STK17A: variants seen among roughly 807,000 people sequenced by gnomAD.
STK17A encodes serine/threonine kinase 17a, also known as serine/threonine-protein kinase 17A.
Under a neutral mutation model 43.7 loss-of-function variants are expected in STK17A, and 26 were observed. The observed-to-expected ratio is 0.60, with a 90% CI of 0.44 to 0.83. The LOEUF (loss-of-function observed/expected upper bound fraction) is 0.83, where lower values mean the gene tolerates loss of function less well. STK17A is among the 40% of genes least tolerant of loss of function. The pLI, the probability that STK17A is intolerant of heterozygous loss-of-function variation, is 0.00. For missense variants in STK17A, 476 were observed against 511.6 expected, an observed-to-expected ratio of 0.93 and a Z score of 0.67; for synonymous variants, 191 against 182.5, an observed-to-expected ratio of 1.05 and a Z score of -0.38.
chr7:43,620,990 G>C (rs2083830209), intron 4 of STK17A, among the ~76,000 whole-genome samples: 1 of 152,170 alleles, frequency 6.6e-6, no homozygotes, highest in Admixed American at 6.5e-5. Context: ...AAGAGAGCAG[G>C]GTCTCCTTTC....
chr7:43,611,390 A>G (rs1237260129), intron 3 of STK17A, among the ~76,000 whole-genome samples: 1 of 152,200 alleles, frequency 6.6e-6, no homozygotes, highest in Non-Finnish European at 1.5e-5. Context: ...CATGGCTAAA[A>G]TGGACACTCA....
intron 3 of STK17A, among the ~76,000 whole-genome samples, chr7:43,611,454 AT>A (rs1465316037): frequency 6.6e-6 from 1 of 152,206 alleles, no homozygotes; most frequent in Non-Finnish European, 1.5e-5. Context: ...AAGTATGGAC[AT>A]GTGCACACCC....
intron 2 of STK17A, among the ~76,000 whole-genome samples, chr7:43,599,746 C>G (rs1206444925): frequency 2.0e-5 from 3 of 152,130 alleles, no homozygotes; most frequent in South Asian, 2.1e-4. Flanking sequence ...GCTGGACACC[C>G]TGGGATGCTG....
intron 1 of STK17A, among the ~76,000 whole-genome samples, chr7:43,587,869 C>T (rs2082453957): frequency 6.6e-6 from 1 of 151,618 alleles, no homozygotes; most frequent in African/African-American, 2.4e-5. Flanking sequence ...GGCTTCTGCT[C>T]TTAGGCAGGT....
chr7:43,593,945 T>G (rs1441947593), intron 1 of STK17A, among the ~76,000 whole-genome samples: 1 of 152,240 alleles, frequency 6.6e-6, no homozygotes, highest in African/African-American at 2.4e-5. Flanking sequence ...ATTTGAAATA[T>G]GAAAACATGT....
At chr7:43,617,349 C>T (rs1043872722) in intron 3 of STK17A, among the ~76,000 whole-genome samples, 5 of 152,292 alleles carry the variant, frequency 3.3e-5, no homozygotes, top group African/African-American at 1.2e-4. Context: ...CCTAGCAAAC[C>T]TTTGAAGAGG....
Position 43,624,594 on chromosome 7 carries a change from ATGG to A in STK17A, c.998_1000del (p.Met333_Glu334delinsLys). Reference sequence around the variant, plus strand: ...CAGTATTCAAGAGCCTTCTTTCAGGATGGAAAAGGCACTAGAAGAAGCAAATGC... The same window carrying A: ...CAGTATTCAAGAGCCTTCTTTCAGGAAAAAGGCACTAGAAGAAGCAAATGC... On this transcript the variant is annotated inframe_deletion, in exon 7 of 7. Transcript: ENST00000319357. 6.2e-7 allele frequency: 1 copy of A among 1,614,122 alleles called. No homozygotes were observed. The highest frequency in any genetic ancestry group is 8.5e-7 in the Non-Finnish European group (1 of 1,179,994).
chr7:43,593,712 T>C (rs2082495025), intron 1 of STK17A, among the ~76,000 whole-genome samples: 1 of 151,146 alleles, frequency 6.6e-6, no homozygotes, highest in Admixed American at 6.6e-5. Context: ...AAAAAAACAA[T>C]GAGGTTGTTT....
intron 1 of STK17A, among the ~76,000 whole-genome samples, chr7:43,591,112 C>T (rs905889157): frequency 2.0e-5 from 3 of 151,442 alleles, no homozygotes; most frequent in Non-Finnish European, 3.0e-5. Flanking sequence ...CAAATCATTG[C>T]GACCTGCTGT....
intron 1 of STK17A, among the ~76,000 whole-genome samples, chr7:43,586,979 G>A (rs1288977935): frequency 6.6e-6 from 1 of 151,142 alleles, no homozygotes; most frequent in Non-Finnish European, 1.5e-5. Context: ...TTTCAGATGA[G>A]AAAACAAAGA....
chr7:43,586,681 A>T (rs959433612), intron 1 of STK17A, among the ~76,000 whole-genome samples: 3 of 151,548 alleles, frequency 2.0e-5, no homozygotes, highest in African/African-American at 7.2e-5. Context: ...CACCAGTTTC[A>T]TAGCAAATGA....
At position 43,595,939 on chromosome 7, in the gene STK17A, A is replaced by C. The variant is rs2082511916; in HGVS notation, c.245A>C (p.Asp82Ala). 2 of 1,613,808 alleles carry C rather than the reference A, an allele frequency of 1.2e-6. No homozygotes were observed. The highest frequency in any genetic ancestry group is 2.2e-5 in the South Asian group (2 of 91,074). Reference sequence around the variant, plus strand: ...GTGGTGAGAAAATGTATAAAGAAAGATTCTGGGAAAGAATTTGCTGCAAAG... The same window carrying C: ...GTGGTGAGAAAATGTATAAAGAAAGCTTCTGGGAAAGAATTTGCTGCAAAG... ...FAVVRKCIKK[D>A]SGKEFAAKFM... The change falls in exon 2 of 7, where the codon GAT becomes GCT. Residue 82 changes from aspartate (D) to alanine (A), a missense_variant. Coordinates refer to ENST00000319357, the MANE Select transcript of STK17A (RefSeq NM_004760.3).
At position 43,623,904 on chromosome 7, in the gene STK17A, A is replaced by T. The variant is rs1274413632; in HGVS notation, c.920+16A>T. 6.8e-7 allele frequency: 1 copy of T among 1,460,752 alleles called. No homozygotes were observed. The highest frequency in any genetic ancestry group is 2.5e-5 in the East Asian group (1 of 40,692). 90.5% of individuals were successfully genotyped at this position (1,460,752 alleles called of 1,614,324 possible). The stretch of plus-strand genomic sequence containing the variant: ...AGAAACCTGAGTAAGTATTATTTTT[A>T]TTAGTTTAATATTGAACTAATTCAA... On this transcript the variant is annotated intron_variant, in intron 6 of 6. Coordinates refer to ENST00000319357, the MANE Select transcript of STK17A (RefSeq NM_004760.3).
chr7:43,589,509 T>C (rs1042804388), intron 1 of STK17A, among the ~76,000 whole-genome samples: 10 of 149,194 alleles, frequency 6.7e-5, no homozygotes, highest in African/African-American at 2.4e-4. Flanking sequence ...CACTTGAATT[T>C]GTATTTGGAA....
intron 4 of STK17A, among the ~76,000 whole-genome samples, chr7:43,620,051 A>C (rs943122551): frequency 6.6e-6 from 1 of 152,204 alleles, no homozygotes; most frequent in Non-Finnish European, 1.5e-5. Flanking sequence ...AGGACCTTTA[A>C]GGATGTTCTG....
chr7:43,610,082 C>T (rs1169985059), intron 3 of STK17A, among the ~76,000 whole-genome samples: 1 of 152,200 alleles, frequency 6.6e-6, no homozygotes, highest in Non-Finnish European at 1.5e-5. Flanking sequence ...CGCGGTGGCT[C>T]ACGCCTGTAA....
In STK17A at chr7:43,623,814, T is replaced by C. The variant is rs2084183435; in HGVS notation, c.846T>C (p.Tyr282=). 1.2e-6 allele frequency: 2 copies of C among 1,604,816 alleles called. No individual in the cohort carries two copies. Among genetic ancestry groups the C allele is most frequent in the Non-Finnish European group, 1.7e-6 (2 of 1,177,282 alleles). The change falls in exon 6 of 7, where the codon TAT becomes TAC. Residue 282 remains tyrosine (Y), a synonymous_variant. Coordinates refer to ENST00000319357, the MANE Select transcript of STK17A (RefSeq NM_004760.3). ...FLNISQMNLS[Y]SEEEFDVLSE... is the part of the protein sequence containing the mutation. ...ACATCTCACAGATGAATTTAAGTTATTCTGAGGAAGAATTTGATGTTTTGT... is the reference window on the plus strand; with the variant it reads ...ACATCTCACAGATGAATTTAAGTTACTCTGAGGAAGAATTTGATGTTTTGT...
chr7:43,614,276 G>A (rs143294698), intron 3 of STK17A, among the ~76,000 whole-genome samples: 58 of 152,226 alleles, frequency 3.8e-4, no homozygotes, highest in Non-Finnish European at 6.6e-4. Flanking sequence ...CGGACCGTCT[G>A]CAGGTTTTCT....
intron 2 of STK17A, among the ~76,000 whole-genome samples, chr7:43,600,312 T>C (rs1269170685): frequency 6.6e-6 from 1 of 152,166 alleles, no homozygotes; most frequent in Admixed American, 6.5e-5. Flanking sequence ...GAATTCAGTT[T>C]TCAGGATTTC....
Sources: gnomAD v4.1 joint callset for allele counts (sites outside exome capture counted in the v4.1 genomes callset) on GRCh38, gnomAD v4.1.1 for gene constraint, MANE v1.5 for transcripts, NCBI Gene and HGNC (gene_info 2026-07-23, HGNC 2026-07-21) for gene names.